The following CELF4 variants were observed in gnomAD, a reference collection of about 807,000 sequenced individuals.
CELF4 encodes CUG-BP- and ETR-3-like factor 4.
In CELF4, 18 loss-of-function variants were observed where a neutral mutation model predicts 59.9. The observed-to-expected ratio is 0.30, with a 90% CI of 0.21 to 0.45. The LOEUF (loss-of-function observed/expected upper bound fraction) is 0.45. Ranked by LOEUF, CELF4 falls within the 20% of genes least tolerant of loss-of-function variation. The pLI is 1.00. For synonymous variants in CELF4, 261 were observed against 267.1 expected (o/e 0.98, Z 0.22); for missense variants, 456 against 689.0 (o/e 0.66, Z 3.79).
In CELF4 at chr18:37,272,944, A is replaced by G. The variant is rs2091997698; in HGVS notation, c.949+72T>C. 5 of 1,467,178 alleles carry G rather than the reference A, an allele frequency of 3.4e-6. No homozygotes were observed. In the South Asian group the frequency reaches 6.2e-5, roughly 18 times the overall value. The allele number at this position is 1,467,178 out of a possible 1,614,324, so 90.9% of individuals were successfully genotyped here. ...CCACAGAATGGTCCGCTGGTAGCTG[A>G]AATTAGGTCCCAGCCTGGGGCCAGC... On this transcript the variant is annotated intron_variant, in intron 7 of 12. Coordinates refer to ENST00000420428, the MANE Select transcript of CELF4 (RefSeq NM_020180.4).
chr18:37,339,589 A>G (rs375063786), intron 2 of CELF4, among the ~76,000 whole-genome samples: 1 of 152,102 alleles, frequency 6.6e-6, no homozygotes, highest in East Asian at 1.9e-4. Flanking sequence ...CCCCATCTCT[A>G]CTAAAAATAC....
At chr18:37,259,382 G>A (rs1413030322) in intron 10 of CELF4, 118 bp from the exon 11 acceptor site, 2 of 468,152 alleles carry the variant, frequency 4.3e-6, no homozygotes, top group African/African-American at 4.0e-5. Flanking sequence ...GGCAAGGTTA[G>A]GAGGGGGAGT....
chr18:37,436,254 G>A (rs6507201), intron 2 of CELF4, among the ~76,000 whole-genome samples: 53,857 of 152,012 alleles, frequency 0.35, 10,145 homozygotes, highest in East Asian at 0.59. Flanking sequence ...TGTTTAAGAC[G>A]GTAACCACGA....
At chr18:37,559,658 G>A (rs1156810040) in intron 1 of CELF4, among the ~76,000 whole-genome samples, 1 of 152,134 alleles carries the variant, frequency 6.6e-6, no homozygotes, top group Non-Finnish European at 1.5e-5. Context: ...TGACATGGAA[G>A]GTGTGAGCCC....
chr18:37,515,429 C>A (rs536461785), intron 1 of CELF4, among the ~76,000 whole-genome samples: 3 of 152,318 alleles, frequency 2.0e-5, no homozygotes, highest in East Asian at 1.9e-4. Flanking sequence ...AAGGGTCTTT[C>A]TCCCTTCTAT....
Position 37,244,867 on chromosome 18 carries a change from G to C in CELF4, c.*375C>G, listed in dbSNP as rs1016886397. 2.0e-5 allele frequency: 3 copies of C among 152,628 alleles called. No homozygotes were observed. The highest frequency in any genetic ancestry group is 7.2e-5 in the African/African-American group (3 of 41,462). 9.5% of individuals were successfully genotyped at this position (152,628 alleles called of 1,614,324 possible). On this transcript the variant is annotated 3_prime_UTR_variant, in exon 13 of 13. Coordinates refer to ENST00000420428, the MANE Select transcript of CELF4 (RefSeq NM_020180.4). ...CGTGGGCTGGAAAAGCCCCGGGATC[G>C]GTAAGCAGCGTCTCCTCCCAGCTCC...
At chr18:37,542,011 C>T (rs578249280) in intron 1 of CELF4, among the ~76,000 whole-genome samples, 29 of 152,178 alleles carry the variant, frequency 1.9e-4, no homozygotes, top group Middle Eastern at 6.8e-3. Flanking sequence ...CCATGGTCAT[C>T]GTTGTGACTC....
intron 2 of CELF4, among the ~76,000 whole-genome samples, chr18:37,373,518 A>G (rs895982246): frequency 1.3e-5 from 2 of 152,248 alleles, no homozygotes; most frequent in African/African-American, 4.8e-5. Context: ...GGTGATGGTT[A>G]GCATCAGTGA....
At chr18:37,529,455 G>A (rs2099967224) in intron 1 of CELF4, among the ~76,000 whole-genome samples, 1 of 152,176 alleles carries the variant, frequency 6.6e-6, no homozygotes. Context: ...CTGCATGAGG[G>A]AGCTCACGGA....
chr18:37,335,098 T>C (rs2097718599), intron 2 of CELF4, among the ~76,000 whole-genome samples: 1 of 151,812 alleles, frequency 6.6e-6, no homozygotes, highest in African/African-American at 2.4e-5. Context: ...AAGTCTCTTT[T>C]CCTGGCCTTA....
intron 1 of CELF4, among the ~76,000 whole-genome samples, chr18:37,500,918 G>A (rs1401356362): frequency 6.6e-6 from 1 of 152,176 alleles, no homozygotes; most frequent in African/African-American, 2.4e-5. Flanking sequence ...AGGGTGAGGT[G>A]GATAGAAGGT....
intron 3 of CELF4, among the ~76,000 whole-genome samples, chr18:37,319,382 C>T (rs546484246): frequency 6.6e-5 from 10 of 152,296 alleles, no homozygotes; most frequent in African/African-American, 1.4e-4. Context: ...TCCTTAGGAC[C>T]AGAGCACTCC....
chr18:37,451,269 G>C (rs920104577), intron 2 of CELF4, among the ~76,000 whole-genome samples: 4 of 152,190 alleles, frequency 2.6e-5, no homozygotes, highest in African/African-American at 9.7e-5. Context: ...TGATAAGGGA[G>C]GTGGACAGTG....
chr18:37,382,201 A>G (rs897789998), intron 2 of CELF4, among the ~76,000 whole-genome samples: 5 of 152,336 alleles, frequency 3.3e-5, no homozygotes, highest in Middle Eastern at 3.4e-3. Context: ...GAATGTTACC[A>G]TCCCATTTTA....
chr18:37,515,453 A>G (rs2099949608), intron 1 of CELF4, among the ~76,000 whole-genome samples: 1 of 152,168 alleles, frequency 6.6e-6, no homozygotes, highest in Admixed American at 6.5e-5. Context: ...TGGCAGGCCT[A>G]GGCTTCCTGA....
At chr18:37,483,070 G>C (rs963904275) in intron 2 of CELF4, among the ~76,000 whole-genome samples, 1 of 152,096 alleles carries the variant, frequency 6.6e-6, no homozygotes, top group African/African-American at 2.4e-5. Flanking sequence ...CACCGAAACA[G>C]GCAGCCATGA....
At chr18:37,432,433 A>G (rs1359122693) in intron 2 of CELF4, among the ~76,000 whole-genome samples, 1 of 152,222 alleles carries the variant, frequency 6.6e-6, no homozygotes, top group Non-Finnish European at 1.5e-5. Flanking sequence ...GAAATAAGAG[A>G]ACAACAGATA....
intron 2 of CELF4, among the ~76,000 whole-genome samples, chr18:37,449,554 C>T (rs1231547290): frequency 2.6e-5 from 4 of 152,278 alleles, no homozygotes; most frequent in African/African-American, 9.6e-5. Context: ...AACAAATTCC[C>T]TGCTCCTGAA....
intron 2 of CELF4, among the ~76,000 whole-genome samples, chr18:37,387,873 T>A (rs2099116095): frequency 6.6e-6 from 1 of 152,184 alleles, no homozygotes; most frequent in Non-Finnish European, 1.5e-5. Context: ...CTGCACTCTC[T>A]CATCAGAACA....
Sources: allele counts gnomAD v4.1 joint callset (sites outside exome capture counted in the v4.1 genomes callset), GRCh38; gene constraint gnomAD v4.1.1; transcripts MANE v1.5; gene names NCBI Gene and HGNC (gene_info 2026-07-23, HGNC 2026-07-21).